TRIM46: variants seen among roughly 807,000 people sequenced by gnomAD.
TRIM46 encodes tripartite motif containing 46.
A neutral mutation model predicts 69.7 loss-of-function variants in TRIM46; 17 were observed. The observed-to-expected ratio is 0.24, with a 90% CI of 0.17 to 0.37. TRIM46 has a LOEUF of 0.37. TRIM46 is among the 10% of genes least tolerant of loss of function. TRIM46 has a pLI of 1.00. For missense variants in TRIM46, 675 were observed against 1,025.1 expected (o/e 0.66, Z 4.66); for synonymous variants, 391 against 429.0 (o/e 0.91, Z 1.09).
At chr1:155,174,173 A>G in intron 1 of TRIM46, 144 bp downstream of exon 1, 1 of 976,446 alleles carries the variant, frequency 1.0e-6, no homozygotes, top group Non-Finnish European at 1.5e-6. Context: ...GAGGGTCGGG[A>G]TGCAGGTATG....
chr1:155,178,872 G>A (rs1163144109), intron 7 of TRIM46: 5 of 1,414,686 alleles, frequency 3.5e-6, no homozygotes, highest in Admixed American at 2.1e-5. Flanking sequence ...TGCCCCGGGG[G>A]CCCTGCCCGC....
In TRIM46 at chr1:155,174,572, C is replaced by G. The variant is rs374604784; in HGVS notation, c.63+543C>G. On this transcript the variant is annotated intron_variant, in intron 1 of 9. Coordinates refer to ENST00000334634, the MANE Select transcript of TRIM46 (RefSeq NM_025058.5). ...GTTCCCCCCCACCACTTCCTCCCCC[C>G]CTCCTTGTTCCTCCCTCCTTTGTGT... 4.5e-5 allele frequency: 68 copies of G among 1,515,624 alleles called. No individual in the cohort carries two copies. The Admixed American group carries it at 5.6e-4, about 13-fold the overall frequency. The allele number at this position is 1,515,624 out of a possible 1,614,324, so 93.9% of individuals were successfully genotyped here. A position where few individuals can be genotyped will look rare whatever the true frequency, so the allele number is the denominator to read the frequency against.
chr1:155,178,708 C>T (rs1461203830), intron 7 of TRIM46, 95 bp downstream of exon 7: 7 of 1,565,528 alleles, frequency 4.5e-6, no homozygotes, highest in South Asian at 2.3e-5. Flanking sequence ...GGGACCTCCC[C>T]GGCCTCCTGC....
intron 7 of TRIM46, among the ~76,000 whole-genome samples, chr1:155,179,329 CAG>C (rs1665961182): frequency 6.6e-6 from 1 of 152,204 alleles, no homozygotes; most frequent in South Asian, 2.1e-4. Context: ...CCTCATTTGA[CAG>C]GGGAGGAAAC....
In TRIM46 at chr1:155,175,763, T is replaced by G; in HGVS notation, c.325+116T>G. On this transcript the variant is annotated intron_variant, in intron 2 of 9. Transcript: ENST00000334634. This position sits in a 1 kb window ranked among gnomAD's most constrained non-coding sequence, Gnocchi z 4.2. ...CTGTCTTTCTGGGGGGTGGAGATAC[T>G]GCTTACGCAGGCTCTAATGAGAGCT... 6.3e-7 allele frequency: 1 copy of G among 1,587,164 alleles called. No individual in the cohort carries two copies.
At position 155,176,706 on chromosome 1, in the gene TRIM46, A is replaced by C. The variant is rs370484089; in HGVS notation, c.670-226A>C. On this transcript the variant is annotated intron_variant, in intron 3 of 9. Coordinates refer to ENST00000334634, the MANE Select transcript of TRIM46 (RefSeq NM_025058.5). ...TGTTATTACCATATATCCCAATGAG[A>C]GAGATGAAGGGAGGTGCAATGCTGG... Among the ~76,000 whole-genome samples the C allele has an allele frequency of 1.3e-4, 20 of 152,306 alleles. 1 individual carries two copies. In the East Asian group the frequency reaches 2.1e-3, roughly 16 times the overall value.
intron 9 of TRIM46, among the ~76,000 whole-genome samples, chr1:155,183,185 C>T (rs1343064086): frequency 7.9e-5 from 12 of 151,982 alleles, no homozygotes; most frequent in Non-Finnish European, 7.4e-5. Context: ...GCTGGGATTA[C>T]AGGCGTGAGC....
Position 155,178,068 on chromosome 1 carries a change from G to C in TRIM46, c.976G>C (p.Glu326Gln). ...LVRGLGAVLE[E>Q]KRASLLQAIE... is the part of the protein sequence containing the mutation. ...GCGGGGGCTGGGGGCTGTGCTGGAG[G>C]AGAAGCGGGCATCACTGCTTCAGGC... Residue 326 changes from glutamate (E) to glutamine (Q), a missense_variant, in exon 6 of 10, where the codon GAG becomes CAG. Glu to Gln is a conservative substitution (Grantham distance 29, BLOSUM62 2). Transcript: ENST00000334634. The C allele has an allele frequency of 6.2e-7, 1 of 1,614,006 alleles. No homozygotes were observed. The highest frequency in any genetic ancestry group is 2.2e-5 in the East Asian group (1 of 44,880).
rs907480089 is a variant in TRIM46, at chr1:155,175,007, A to C, written c.64-379A>C. 2 of 1,380,824 alleles carry C rather than the reference A, an allele frequency of 1.4e-6. No homozygotes were observed. The highest frequency in any genetic ancestry group is 3.0e-5 in the African/African-American group (2 of 66,986). The allele number at this position is 1,380,824 out of a possible 1,614,324, so 85.5% of individuals were successfully genotyped here. On this transcript the variant is annotated intron_variant, in intron 1 of 9. Coordinates refer to ENST00000334634, the MANE Select transcript of TRIM46 (RefSeq NM_025058.5). This position sits in a 1 kb window ranked among gnomAD's most constrained non-coding sequence, Gnocchi z 4.2. ...GCTAGAGAAGGGAGTGGGGGTCTGCATGGAGCTGCAGAATGGGCGGTGTCC... is the reference window on the plus strand; with the variant it reads ...GCTAGAGAAGGGAGTGGGGGTCTGCCTGGAGCTGCAGAATGGGCGGTGTCC...
At chr1:155,182,364 G>A (rs1240822603) in intron 9 of TRIM46, 5 of 601,628 alleles carry the variant, frequency 8.3e-6, no homozygotes, top group East Asian at 2.8e-5. Context: ...AGAGCATGTC[G>A]TGTGGTCAGG....
In TRIM46 at chr1:155,180,287, C is replaced by A. The variant is rs544943045; in HGVS notation, c.1588+353C>A. 9.1e-4 allele frequency: 311 copies of A among 342,046 alleles called. 2 individuals carry two copies. The highest frequency in any genetic ancestry group is 6.2e-3 in the African/African-American group (293 of 47,052). 21.2% of individuals were successfully genotyped at this position (342,046 alleles called of 1,614,324 possible). A position where few individuals can be genotyped will look rare whatever the true frequency, so the allele number is the denominator to read the frequency against. On this transcript the variant is annotated intron_variant, in intron 8 of 9. Transcript: ENST00000334634. Reference sequence around the variant, plus strand: ...TTCAAGACCAACCTGGCCAACACAGCGAGACCCGATCTCTAAAAAAATAAA... The same window carrying A: ...TTCAAGACCAACCTGGCCAACACAGAGAGACCCGATCTCTAAAAAAATAAA...
intron 1 of TRIM46, among the ~76,000 whole-genome samples, chr1:155,174,272 C>A (rs1165377319): frequency 1.3e-5 from 2 of 152,104 alleles, no homozygotes; most frequent in Non-Finnish European, 2.9e-5. Context: ...GCAGCCCAGA[C>A]GCAGCGGGTG....
Position 155,178,265 on chromosome 1 carries a change from G to C in TRIM46, c.1163+10G>C. The stretch of plus-strand genomic sequence containing the variant: ...AGCAGCTGCACAACAGGTACTCAGG[G>C]GCATGGGCTCCTAGGGGGGCAGGGA... On this transcript the variant is annotated intron_variant, in intron 6 of 9. Coordinates refer to ENST00000334634, the MANE Select transcript of TRIM46 (RefSeq NM_025058.5). The C allele has an allele frequency of 6.3e-7, 1 of 1,588,968 alleles. No individual in the cohort carries two copies. The highest frequency in any genetic ancestry group is 8.6e-7 in the Non-Finnish European group (1 of 1,164,640).
At chr1:155,178,282 G>C (rs760952714) in intron 6 of TRIM46, 27 bp downstream of exon 6, 1 of 1,575,678 alleles carries the variant, frequency 6.3e-7, no homozygotes, top group Non-Finnish European at 8.6e-7. Context: ...GCTCCTAGGG[G>C]GGCAGGGACA....
Position 155,182,140 on chromosome 1 carries a change from TCAGCC to T in TRIM46, c.1879_1883del (p.Ser627GlnfsTer70). On this transcript the variant is annotated frameshift_variant, in exon 9 of 10. Coordinates refer to ENST00000334634, the MANE Select transcript of TRIM46 (RefSeq NM_025058.5). LOFTEE classifies it high-confidence loss of function. ...AGTTTCCAGGGTGCCCCCGATGTGA[TCAGCC>T]CCAGGTCAGACCCCTCTGGAAGGGA... 6.2e-7 allele frequency: 1 copy of T among 1,613,852 alleles called. No individual in the cohort carries two copies. Among genetic ancestry groups the T allele is most frequent in the Non-Finnish European group, 8.5e-7 (1 of 1,179,946 alleles).
Position 155,184,204 on chromosome 1 carries a change from C to A in TRIM46, c.*14C>A, listed in dbSNP as rs543685009. The A allele has an allele frequency of 5.7e-6, 9 of 1,583,700 alleles. No homozygotes were observed. The highest frequency in any genetic ancestry group is 6.9e-6 in the Non-Finnish European group (8 of 1,164,540). On this transcript the variant is annotated 3_prime_UTR_variant, in exon 10 of 10. Coordinates refer to ENST00000334634, the MANE Select transcript of TRIM46 (RefSeq NM_025058.5). The surrounding 1 kb of genome is among the most constrained non-coding windows in gnomAD (Gnocchi z 5.6). ...AAGCTGGACTGAGCCTTCCAGGCCC[C>A]TCATGCAGACCTGGGGTCCTCCTGG...
chr1:155,179,449 G>A (rs1006253146), intron 7 of TRIM46, among the ~76,000 whole-genome samples, 183 bp from the exon 8 acceptor site: 5 of 151,944 alleles, frequency 3.3e-5, no homozygotes, highest in East Asian at 1.9e-4. Flanking sequence ...TTCCTGCCTC[G>A]TTCTCTCTTG....
chr1:155,175,389 A>G lies in TRIM46; in HGVS notation c.67A>G (p.Ser23Gly). Residue 23 changes from serine to glycine, a missense_variant, in exon 2 of 10, where the codon AGC becomes GGC. Transcript: ENST00000334634. This position sits in a 1 kb window ranked among gnomAD's most constrained non-coding sequence, Gnocchi z 4.2. The part of the protein sequence containing the change: ...IMDALVRIST[S>G]MKNMEKELLC... ...TAGCCTCCTGGTCCCTCCACAGACC[A>G]GCATGAAGAACATGGAGAAGGAACT... 1.9e-6 allele frequency: 3 copies of G among 1,613,986 alleles called. No homozygotes were observed. Among genetic ancestry groups the G allele is most frequent in the Non-Finnish European group, 2.5e-6 (3 of 1,179,924 alleles).
intron 9 of TRIM46, 130 bp downstream of exon 9, chr1:155,182,279 C>T: frequency 8.9e-7 from 1 of 1,124,834 alleles, no homozygotes; most frequent in Non-Finnish European, 1.2e-6. Flanking sequence ...TAGTAGGAGC[C>T]TGGAAGCCAG....
Sources: allele counts gnomAD v4.1 joint callset (sites outside exome capture counted in the v4.1 genomes callset), GRCh38; gene constraint gnomAD v4.1.1; non-coding constraint Gnocchi (gnomAD v3.1); transcripts MANE v1.5; gene names NCBI Gene and HGNC (gene_info 2026-07-23, HGNC 2026-07-21).